The following FAM3B variants were observed in gnomAD, a reference collection of about 807,000 sequenced individuals.
FAM3B encodes FAM3 metabolism regulating signaling molecule B, also known as protein FAM3B.
FAM3B carries 29 observed loss-of-function variants against 28.4 expected under a neutral mutation model. The ratio of observed to expected loss-of-function variants is 1.02; its 90% confidence interval spans 0.76 to 1.39. The LOEUF is 1.39. FAM3B is among the 40% of genes most tolerant of loss of function. The probability of loss-of-function intolerance (pLI) is 0.00; values close to 1 mark genes in which losing one functional copy is unlikely to be tolerated. For missense variants in FAM3B, 266 were observed against 293.9 expected (o/e 0.91, Z 0.69); for synonymous variants, 91 against 103.0 (o/e 0.88, Z 0.71).
chr21:41,357,015 T>C (rs1020417108), intron 7 of FAM3B, 93 bp from the exon 8 acceptor site: 1 of 750,958 alleles, frequency 1.3e-6, no homozygotes, highest in Middle Eastern at 2.9e-4. Flanking sequence ...AATCCAAATC[T>C]AGGAAGTGGT....
At chr21:41,356,040 T>TACATACACACAC (rs1350874234) in intron 7 of FAM3B, among the ~76,000 whole-genome samples, 2 of 119,970 alleles carry the variant, frequency 1.7e-5, no homozygotes, top group African/African-American at 6.8e-5. Context: ...AAAAAATACA[T>TACATACACACAC]ACACACACAC....
upstream of FAM3B, among the ~76,000 whole-genome samples, chr21:41,313,276 A>G (rs1016751231): frequency 3.3e-5 from 5 of 152,232 alleles, no homozygotes; most frequent in Admixed American, 2.6e-4. Flanking sequence ...ATAACCCTAT[A>G]ACCTTTTTTA....
In FAM3B at chr21:41,348,593, C is replaced by G. The variant is rs187262938; in HGVS notation, c.487C>G (p.Leu163Val). ...MVTYDDGSTR[L>V]NNDAKNAIEA... The stretch of plus-strand genomic sequence containing the variant: ...CATGCTTTTCCCTTTGTCCTGCAGA[C>G]TGAATAACGATGCCAAGAATGCCAT... Residue 163 changes from leucine to valine, a missense_variant and splice_region_variant, in exon 7 of 8, where the codon CTG (leucine) becomes GTG (valine). Leu to Val is a conservative substitution (Grantham distance 32). Coordinates refer to ENST00000357985, the MANE Select transcript of FAM3B (RefSeq NM_058186.4). 2 of 1,614,162 alleles carry G rather than the reference C, an allele frequency of 1.2e-6. No homozygotes were observed. The highest frequency in any genetic ancestry group is 2.2e-5 in the South Asian group (2 of 91,086).
At chr21:41,348,342 G>C (rs1011426337) in intron 6 of FAM3B, among the ~76,000 whole-genome samples, 17 of 152,156 alleles carry the variant, frequency 1.1e-4, no homozygotes, top group African/African-American at 4.1e-4. Context: ...CCAGAATTGA[G>C]AAGTAGAATT....
chr21:41,311,251 A>AATAT lies in FAM3B; in HGVS notation n.99+6984_99+6987dup, dbSNP rs1168140562. ...CCTGTCTCTACAAAAAAAAAAAAAA[A>AATAT]ATATATATATATATATATATATATA... On this transcript the variant is annotated intron_variant and non_coding_transcript_variant, in intron 1 of 9. Transcript: ENST00000479810. Among the ~76,000 whole-genome samples, 334 of 34,972 alleles carry AATAT rather than the reference A, an allele frequency of 9.6e-3. 18 individuals are homozygous for AATAT. The highest frequency in any genetic ancestry group is 0.012 in the East Asian group (6 of 486). The allele number at this position is 34,972 out of a possible 152,430, so 22.9% of individuals were successfully genotyped here.
At chr21:41,349,167 C>T (rs1042267578) in intron 7 of FAM3B, among the ~76,000 whole-genome samples, 2 of 152,194 alleles carry the variant, frequency 1.3e-5, no homozygotes, top group Admixed American at 6.5e-5. Context: ...TAACTGGGCA[C>T]GTGATTGATT....
intron 2 of FAM3B, among the ~76,000 whole-genome samples, chr21:41,328,445 C>T (rs1055569914): frequency 8.6e-5 from 13 of 151,994 alleles, no homozygotes; most frequent in African/African-American, 1.7e-4. Flanking sequence ...ATTTATAGCA[C>T]GTTTTCATAT....
intron 1 of FAM3B, among the ~76,000 whole-genome samples, chr21:41,306,399 C>G (rs753053386): frequency 2.0e-5 from 3 of 152,204 alleles, no homozygotes; most frequent in Non-Finnish European, 2.9e-5. Context: ...TGACTTTGCC[C>G]AGATCCATCA....
chr21:41,340,755 A>C (rs889614053), intron 3 of FAM3B, among the ~76,000 whole-genome samples: 2 of 152,184 alleles, frequency 1.3e-5, no homozygotes, highest in African/African-American at 4.8e-5. Flanking sequence ...AGAAATCAAC[A>C]TTATGTTTGA....
In FAM3B at chr21:41,352,964, C is replaced by T. The variant is rs116016468; in HGVS notation, c.619-4144C>T. Among the ~76,000 whole-genome samples the T allele has an allele frequency of 9.4e-3, 1,428 of 152,106 alleles. 18 individuals carry two copies. The highest frequency in any genetic ancestry group is 0.031 in the African/African-American group (1,300 of 41,488). On this transcript the variant is annotated intron_variant, in intron 7 of 7. Transcript: ENST00000357985. The stretch of plus-strand genomic sequence containing the variant: ...CTATTTGAACTTATACCAAGTTTAG[C>T]GAAGTTGCAGGATACAAAAATCAAT...
At chr21:41,317,580 T>C (rs2088761443) in intron 1 of FAM3B, among the ~76,000 whole-genome samples, 1 of 152,078 alleles carries the variant, frequency 6.6e-6, no homozygotes, top group African/African-American at 2.4e-5. Context: ...CCCTTTCTAA[T>C]TGGTTTTGCG....
chr21:41,351,302 G>A (rs1286524361), intron 7 of FAM3B, among the ~76,000 whole-genome samples: 1 of 152,214 alleles, frequency 6.6e-6, no homozygotes, highest in Non-Finnish European at 1.5e-5. Flanking sequence ...GAATTGGAAT[G>A]TGTTTGGAAA....
In FAM3B at chr21:41,343,422, A is replaced by G. The variant is rs115423050; in HGVS notation, c.288-1054A>G. Reference sequence around the variant, plus strand: ...TGCCTCATGTTTTCTGCTTTTCTCCATGAGAAAGTCGGTTTAGATTAGCCG... The same window carrying G: ...TGCCTCATGTTTTCTGCTTTTCTCCGTGAGAAAGTCGGTTTAGATTAGCCG... On this transcript the variant is annotated intron_variant, in intron 3 of 7. Coordinates refer to ENST00000357985, the MANE Select transcript of FAM3B (RefSeq NM_058186.4). Among the ~76,000 whole-genome samples, 993 of 152,292 alleles carry G rather than the reference A, an allele frequency of 6.5e-3. 10 individuals carry two copies. Among genetic ancestry groups the G allele is most frequent in the African/African-American group, 0.023 (951 of 41,550 alleles).
At chr21:41,324,752 CATA>C (rs1315256957) in intron 2 of FAM3B, among the ~76,000 whole-genome samples, 1 of 152,112 alleles carries the variant, frequency 6.6e-6, no homozygotes, top group Non-Finnish European at 1.5e-5. Context: ...AAAGCCAAAT[CATA>C]ATGTTAGGAA....
In FAM3B at chr21:41,338,512, G is replaced by A; in HGVS notation, c.287+11G>A. The A allele has an allele frequency of 1.2e-6, 2 of 1,613,846 alleles. No homozygotes were observed. Among genetic ancestry groups the A allele is most frequent in the Non-Finnish European group, 1.7e-6 (2 of 1,179,868 alleles). ...CTTTGAGGATAACCTGTAAGTACCA[G>A]CGTTTAGAAGGAAAATAAAGCGATC... On this transcript the variant is annotated intron_variant, in intron 3 of 7. Coordinates refer to ENST00000357985, the MANE Select transcript of FAM3B (RefSeq NM_058186.4).
rs578086887 is a variant in FAM3B, at chr21:41,317,005, GGGAGGGCTGGTTCTT to G, written c.19+110_19+124del. 1.4e-4 allele frequency: 149 copies of G among 1,035,120 alleles called. 2 individuals are homozygous for G. In the South Asian group the frequency reaches 5.2e-3, roughly 36 times the overall value. 64.1% of individuals were successfully genotyped at this position (1,035,120 alleles called of 1,614,324 possible). Reference sequence around the variant, plus strand: ...GGGACCCGCCACGCTTAGCAAAAGCGGGAGGGCTGGTTCTTGGCGCCGAGGCTGGTCTTAGACCTG... The same window carrying G: ...GGGACCCGCCACGCTTAGCAAAAGCGGGCGCCGAGGCTGGTCTTAGACCTG... On this transcript the variant is annotated intron_variant, in intron 1 of 7. Coordinates refer to ENST00000357985, the MANE Select transcript of FAM3B (RefSeq NM_058186.4).
At chr21:41,345,566 A>G (rs940929665) in intron 4 of FAM3B, 120 bp from the exon 5 acceptor site, 2 of 610,254 alleles carry the variant, frequency 3.3e-6, no homozygotes, top group African/African-American at 1.9e-5. Flanking sequence ...GGGTCATTAC[A>G]TCAGTGGTGT....
chr21:41,323,665 G>T (rs2088830543), intron 2 of FAM3B, among the ~76,000 whole-genome samples: 1 of 152,176 alleles, frequency 6.6e-6, no homozygotes, highest in Non-Finnish European at 1.5e-5. Context: ...AGCCCACGAG[G>T]TCCCTGCCCC....
intron 1 of FAM3B, among the ~76,000 whole-genome samples, chr21:41,306,238 C>A (rs1474068087): frequency 6.6e-6 from 1 of 152,214 alleles, no homozygotes; most frequent in Admixed American, 6.5e-5. Context: ...TGAAGTTACA[C>A]TGAAGTCTTG....
Sources: allele counts gnomAD v4.1 joint callset (sites outside exome capture counted in the v4.1 genomes callset), GRCh38; gene constraint gnomAD v4.1.1; transcripts MANE v1.5; gene names NCBI Gene and HGNC (gene_info 2026-07-23, HGNC 2026-07-21).